The following POLI variants were observed in gnomAD, a reference collection of about 807,000 sequenced individuals.
POLI encodes the protein RAD30 homolog B.
A neutral mutation model predicts 51.6 loss-of-function variants in POLI; 58 were observed. That is an observed-to-expected ratio of 1.12 (90% CI 0.91 to 1.40). The LOEUF is 1.40. Ranked by LOEUF, POLI falls within the 40% of genes most tolerant of loss-of-function variation. The pLI, the probability that POLI is intolerant of heterozygous loss-of-function variation, is 0.00. For missense variants in POLI, 921 were observed against 871.3 expected (o/e 1.06, Z -0.72); for synonymous variants, 322 against 299.7 (o/e 1.07, Z -0.77).
chr18:54,281,721 T>G (rs1287967396), intron 5 of POLI, among the ~76,000 whole-genome samples: 1 of 151,644 alleles, frequency 6.6e-6, no homozygotes, highest in Non-Finnish European at 1.5e-5. Flanking sequence ...CATTCTTACT[T>G]GGCTTTACTT....
In POLI at chr18:54,297,252, G is replaced by C. The variant is rs950464976; in HGVS notation, c.*2785G>C. The C allele has an allele frequency of 2.5e-5, 25 of 983,602 alleles. No homozygotes were observed. In the African/African-American group the frequency reaches 4.2e-4, roughly 17 times the overall value. 60.9% of individuals were successfully genotyped at this position (983,602 alleles called of 1,614,324 possible). The stretch of plus-strand genomic sequence containing the variant: ...GCTTGCTTCTTGCTTGATGCTTTCT[G>C]CTGCTTTCTTGCTTTTGTTTCAGCT... On this transcript the variant is annotated 3_prime_UTR_variant, in exon 10 of 10. Transcript: ENST00000579534.
chr18:54,295,353 T>C lies in POLI; in HGVS notation c.*886T>C. 1.0e-6 allele frequency: 1 copy of C among 984,914 alleles called. No individual in the cohort carries two copies. The highest frequency in any genetic ancestry group is 1.2e-6 in the Non-Finnish European group (1 of 829,428). 61.0% of individuals were successfully genotyped at this position (984,914 alleles called of 1,614,324 possible). A position where few individuals can be genotyped will look rare whatever the true frequency, so the allele number is the denominator to read the frequency against. On this transcript the variant is annotated 3_prime_UTR_variant, in exon 10 of 10. Coordinates refer to ENST00000579534, the MANE Select transcript of POLI (RefSeq NM_007195.3). Reference sequence around the variant, plus strand: ...TATAGACCATTACTAAATTGGTGGATGTCCTCTTTCTCCCATTGTTATTGC... The same window carrying C: ...TATAGACCATTACTAAATTGGTGGACGTCCTCTTTCTCCCATTGTTATTGC...
At chr18:54,316,736 T>C (rs974123676) in intron 3 of POLI, among the ~76,000 whole-genome samples, 2 of 152,152 alleles carry the variant, frequency 1.3e-5, no homozygotes, top group Non-Finnish European at 2.9e-5. Flanking sequence ...GAAGTTCTTA[T>C]GAAATATTTG....
Position 54,295,063 on chromosome 18 carries a change from GAAT to G in POLI, c.*597_*599del. ...GCCGTTCAATAAACATTGAATGAAT[GAAT>G]GGTTTGGCTAGGGCCAGGGTGGGGA... On this transcript the variant is annotated 3_prime_UTR_variant, in exon 10 of 10. Coordinates refer to ENST00000579534, the MANE Select transcript of POLI (RefSeq NM_007195.3). 2.0e-6 allele frequency: 2 copies of G among 985,516 alleles called. No homozygotes were observed. The highest frequency in any genetic ancestry group is 2.4e-6 in the Non-Finnish European group (2 of 829,996). The allele number at this position is 985,516 out of a possible 1,614,324, so 61.0% of individuals were successfully genotyped here.
Position 54,298,032 on chromosome 18 carries a change from G to A in POLI, c.*3565G>A. 1 of 966,356 alleles carries A rather than the reference G, an allele frequency of 1.0e-6. No individual in the cohort carries two copies. Among genetic ancestry groups the A allele is most frequent in the Non-Finnish European group, 1.2e-6 (1 of 812,614 alleles). 59.9% of individuals were successfully genotyped at this position (966,356 alleles called of 1,614,324 possible). A position where few individuals can be genotyped will look rare whatever the true frequency, so the allele number is the denominator to read the frequency against. ...ATACGCAGTTTTTATTATATGTCTA[G>A]CTATAGATTTATCATGGATTTAGGT... On this transcript the variant is annotated 3_prime_UTR_variant, in exon 10 of 10. Coordinates refer to ENST00000579534, the MANE Select transcript of POLI (RefSeq NM_007195.3).
rs1206042637 is a variant in POLI, at chr18:54,294,599, A to G, written c.*132A>G. The G allele has an allele frequency of 1.1e-5, 15 of 1,306,120 alleles. No individual in the cohort carries two copies. The highest frequency in any genetic ancestry group is 1.5e-5 in the Non-Finnish European group (15 of 1,031,300). The allele number at this position is 1,306,120 out of a possible 1,614,324, so 80.9% of individuals were successfully genotyped here. ...GTAAACTGTTCCAGATAAAGCAAGAATAGTTGCAAGAAGTAAATTCTGGCA... is the reference window on the plus strand; with the variant it reads ...GTAAACTGTTCCAGATAAAGCAAGAGTAGTTGCAAGAAGTAAATTCTGGCA... On this transcript the variant is annotated 3_prime_UTR_variant, in exon 10 of 10. Coordinates refer to ENST00000579534, the MANE Select transcript of POLI (RefSeq NM_007195.3).
chr18:54,277,814 T>G lies in POLI; in HGVS notation c.518T>G (p.Leu173Arg). The change falls in exon 4 of 10, where the codon CTT (leucine) becomes CGT (arginine). Residue 173 changes from leucine to arginine, a missense_variant. Transcript: ENST00000579534. ...CTACAGCAGCTGCAAAGTGATGAAC[T>G]TTCTGCGGTGACTGTGTCGGGTCAT... The part of the protein sequence containing the change: ...KRLQQLQSDE[L>R]SAVTVSGHVY... The G allele has an allele frequency of 6.2e-7, 1 of 1,613,052 alleles. No homozygotes were observed. The highest frequency in any genetic ancestry group is 1.6e-4 in the Middle Eastern group (1 of 6,062).
At chr18:54,304,229 G>A (rs1272103549) in intron 3 of POLI, among the ~76,000 whole-genome samples, 9 of 152,216 alleles carry the variant, frequency 5.9e-5, no homozygotes, top group African/African-American at 1.4e-4. Context: ...ATACATGTGC[G>A]TGTGTCTTTA....
intron 3 of POLI, among the ~76,000 whole-genome samples, chr18:54,314,463 G>A (rs993426380): frequency 1.7e-4 from 26 of 152,056 alleles, no homozygotes; most frequent in African/African-American, 6.3e-4. Context: ...CCAGTTTTTG[G>A]TATCAGGACG....
chr18:54,269,765 C>A, intron 1 of POLI, 104 bp downstream of exon 1: 1 of 1,394,080 alleles, frequency 7.2e-7, no homozygotes, highest in East Asian at 3.0e-5. Flanking sequence ...ACCGTCCCCG[C>A]CCCACTCGGC....
intron 8 of POLI, among the ~76,000 whole-genome samples, chr18:54,288,505 T>C (rs1468671052): frequency 6.6e-6 from 1 of 152,192 alleles, no homozygotes; most frequent in East Asian, 1.9e-4. Context: ...ATGACATCTT[T>C]GTCAAAAATT....
chr18:54,295,662 C>CT lies in POLI; in HGVS notation c.*1196dup. 2.4e-6 allele frequency: 1 copy of CT among 421,986 alleles called. No individual in the cohort carries two copies. Among genetic ancestry groups the CT allele is most frequent in the South Asian group, 1.0e-4 (1 of 9,804 alleles). 26.1% of individuals were successfully genotyped at this position (421,986 alleles called of 1,614,324 possible). On this transcript the variant is annotated 3_prime_UTR_variant, in exon 10 of 10. Transcript: ENST00000579534. ...TTTGTTTTGGAGACAGAGTCTCACT[C>CT]TGTCGCCCAGGGTGGAGTACAGTGG...
At chr18:54,277,610 A>T in intron 3 of POLI, 93 bp from the exon 4 acceptor site, 1 of 750,870 alleles carries the variant, frequency 1.3e-6, no homozygotes, top group Non-Finnish European at 2.1e-6. Flanking sequence ...AACCTTTAAC[A>T]ATAAATTTGA....
Position 54,274,010 on chromosome 18 carries a change from CAAAAG to C in POLI, c.332_336del (p.Glu111ValfsTer8), listed in dbSNP as rs1175474616. On this transcript the variant is annotated frameshift_variant, in exon 3 of 10. Transcript: ENST00000579534. LOFTEE classifies it high-confidence loss of function. ...AAGAAACTTATGAATGTCAGAGATG[CAAAAG>C]AAAAGTGTCCACAGTTGGTATTAGT... is the stretch of plus-strand genomic sequence containing the variant. The C allele has an allele frequency of 2.5e-6, 4 of 1,582,896 alleles. No individual in the cohort carries two copies. The highest frequency in any genetic ancestry group is 1.4e-5 in the African/African-American group (1 of 73,598).
intron 2 of POLI, among the ~76,000 whole-genome samples, chr18:54,272,560 C>T (rs2087051953): frequency 6.6e-6 from 1 of 151,956 alleles, no homozygotes; most frequent in African/African-American, 2.4e-5. Flanking sequence ...CAAGCTTTGC[C>T]TCTGGGGCTC....
chr18:54,300,650 C>T (rs1225998552), downstream of POLI, among the ~76,000 whole-genome samples: 1 of 151,794 alleles, frequency 6.6e-6, no homozygotes, highest in African/African-American at 2.4e-5. Context: ...ATCTAAAAAC[C>T]TCAATTAAAG....
chr18:54,296,219 G>T lies in POLI; in HGVS notation c.*1752G>T. 1.0e-6 allele frequency: 1 copy of T among 985,260 alleles called. No homozygotes were observed. Among genetic ancestry groups the T allele is most frequent in the Non-Finnish European group, 1.2e-6 (1 of 829,850 alleles). 61.0% of individuals were successfully genotyped at this position (985,260 alleles called of 1,614,324 possible). A position where few individuals can be genotyped will look rare whatever the true frequency, so the allele number is the denominator to read the frequency against. On this transcript the variant is annotated 3_prime_UTR_variant, in exon 10 of 10. Coordinates refer to ENST00000579534, the MANE Select transcript of POLI (RefSeq NM_007195.3). ...TTTCAGGACCTTGGACAGCTAGAAG[G>T]GGCTTAAGAAAAAATGGCTAAGAAA...
In POLI at chr18:54,282,896, CTCCAAACCT is replaced by C. The variant is rs2087573628; in HGVS notation, c.858_866del (p.Gln287_Phe289del). 8.8e-6 allele frequency: 14 copies of C among 1,587,840 alleles called. No individual in the cohort carries two copies. Among genetic ancestry groups the C allele is most frequent in the Non-Finnish European group, 1.2e-5 (14 of 1,165,514 alleles). On this transcript the variant is annotated inframe_deletion, in exon 6 of 10. Transcript: ENST00000579534. The stretch of plus-strand genomic sequence containing the variant: ...ACTGGGTATCAATAGTGTGCGTGAT[CTCCAAACCT>C]TTTCACCCAAAATTTTAGAAAAAGA...
At chr18:54,305,168 T>A (rs1271145720) in intron 3 of POLI, among the ~76,000 whole-genome samples, 1 of 152,198 alleles carries the variant, frequency 6.6e-6, no homozygotes, top group Non-Finnish European at 1.5e-5. Flanking sequence ...ACTGTAGCCT[T>A]GTAGTGTAGT....
Sources: gnomAD v4.1 joint callset for allele counts (sites outside exome capture counted in the v4.1 genomes callset) on GRCh38, gnomAD v4.1.1 for gene constraint, MANE v1.5 for transcripts, NCBI Gene and HGNC (gene_info 2026-07-23, HGNC 2026-07-21) for gene names.